ANKRD42: variants seen among roughly 807,000 people sequenced by gnomAD.
The protein encoded by ANKRD42 is ankyrin repeat domain 42.
Under a neutral mutation model 51.5 loss-of-function variants are expected in ANKRD42, and 43 were observed. The observed-to-expected ratio is 0.83, with a 90% CI of 0.65 to 1.08. The LOEUF is 1.08. Among genes scored for constraint, ANKRD42 ranks in the 50% least tolerant of loss-of-function variants. ANKRD42 has a pLI of 0.00. For missense variants in ANKRD42, 608 were observed against 629.3 expected, an observed-to-expected ratio of 0.97 and a Z score of 0.36; for synonymous variants, 203 against 213.0, an observed-to-expected ratio of 0.95 and a Z score of 0.41.
intron 2 of ANKRD42, among the ~76,000 whole-genome samples, chr11:83,205,256 A>T (rs1342040538): frequency 1.3e-5 from 2 of 152,216 alleles, no homozygotes; most frequent in African/African-American, 4.8e-5. Context: ...TCTTTTCATA[A>T]ATATTGTTGA....
chr11:83,209,726 T>C (rs1056048376), intron 3 of ANKRD42: 21 of 683,728 alleles, frequency 3.1e-5, no homozygotes, highest in Non-Finnish European at 5.6e-5. Flanking sequence ...GTTGCCTTCT[T>C]GTTTCTCACT....
At chr11:83,262,979 G>A (rs1864018117), downstream of ANKRD42, among the ~76,000 whole-genome samples, 1 of 152,086 alleles carries the variant, frequency 6.6e-6, no homozygotes, top group Non-Finnish European at 1.5e-5. Context: ...TTAACCATGA[G>A]ATTGGTGGTA....
In ANKRD42 at chr11:83,216,961, T is replaced by C. The variant is rs372831820; in HGVS notation, c.586+5531T>C. Among the ~76,000 whole-genome samples the C allele has an allele frequency of 2.6e-3, 374 of 145,848 alleles. 4 individuals carry two copies. Among genetic ancestry groups the C allele is most frequent in the African/African-American group, 9.0e-3 (359 of 39,852 alleles). ...TAGGGGCGAAGAAGGGGCCCTGCAG[T>C]TGTGGTGTCCTCCAGAGGGGATCTT... is the stretch of plus-strand genomic sequence containing the variant. On this transcript the variant is annotated intron_variant, in intron 5 of 10. Coordinates refer to ENST00000533342, the MANE Select transcript of ANKRD42 (RefSeq NM_001300975.2).
chr11:83,258,290 G>A (rs989713076), downstream of ANKRD42, among the ~76,000 whole-genome samples: 1 of 151,656 alleles, frequency 6.6e-6, no homozygotes, highest in Admixed American at 6.6e-5. Flanking sequence ...CCCAAATTGT[G>A]TATATTTATT....
chr11:83,196,966 T>G (rs537224848), intron 1 of ANKRD42, among the ~76,000 whole-genome samples: 255 of 152,250 alleles, frequency 1.7e-3, no homozygotes, highest in Non-Finnish European at 2.9e-3. Flanking sequence ...TAGAGGAGTG[T>G]CTCTGTGTAA....
intron 8 of ANKRD42, among the ~76,000 whole-genome samples, chr11:83,238,707 G>A (rs1863295705): frequency 6.6e-6 from 1 of 152,060 alleles, no homozygotes; most frequent in African/African-American, 2.4e-5. Flanking sequence ...GTGCTTGCCT[G>A]TAATCCCAGC....
In ANKRD42 at chr11:83,194,347, A is replaced by G. The variant is rs961366588; in HGVS notation, c.-324A>G. 1.1e-5 allele frequency: 6 copies of G among 567,070 alleles called. No individual in the cohort carries two copies. Among genetic ancestry groups the G allele is most frequent in the Non-Finnish European group, 1.3e-5 (4 of 299,200 alleles). The allele number at this position is 567,070 out of a possible 1,614,324, so 35.1% of individuals were successfully genotyped here. On this transcript the variant is annotated 5_prime_UTR_variant, in exon 1 of 11. Coordinates refer to ENST00000533342, the MANE Select transcript of ANKRD42 (RefSeq NM_001300975.2). ...CTTCAGTGGCTCCTGGGAGGGAGGG[A>G]GTGTCGAAGGCGGCCACAGCGTTGG... is the stretch of plus-strand genomic sequence containing the variant.
At chr11:83,204,451 A>T (rs1861991611) in intron 2 of ANKRD42, among the ~76,000 whole-genome samples, 1 of 152,172 alleles carries the variant, frequency 6.6e-6, no homozygotes, top group Admixed American at 6.5e-5. Context: ...GGACAAAGAG[A>T]TGGGAACAAT....
chr11:83,263,266 T>C (rs183769966), downstream of ANKRD42, among the ~76,000 whole-genome samples: 293 of 152,278 alleles, frequency 1.9e-3, no homozygotes, highest in African/African-American at 6.7e-3. Flanking sequence ...TGAACACTTA[T>C]TGTGAGGTGA....
intron 9 of ANKRD42, among the ~76,000 whole-genome samples, chr11:83,242,622 G>GTTTTTTTTTTTTTTTTTTTTT: frequency 7.3e-6 from 1 of 136,480 alleles, no homozygotes; most frequent in African/African-American, 2.7e-5. Flanking sequence ...CTGGAGTGCA[G>GTTTTTTTTTTTTTTTTTTTTT]TGGCACGATC....
chr11:83,251,362 T>C (rs1863672272), downstream of ANKRD42, among the ~76,000 whole-genome samples: 1 of 152,218 alleles, frequency 6.6e-6, no homozygotes, highest in Non-Finnish European at 1.5e-5. Flanking sequence ...ACTGAAAATC[T>C]AAGTTTTATA....
chr11:83,239,072 C>T (rs563107255), intron 8 of ANKRD42, among the ~76,000 whole-genome samples: 6 of 152,162 alleles, frequency 3.9e-5, no homozygotes, highest in African/African-American at 1.4e-4. Flanking sequence ...TTCTCACCAT[C>T]ATTTGGTATT....
intron 8 of ANKRD42, among the ~76,000 whole-genome samples, chr11:83,237,447 G>C (rs1446574343): frequency 1.3e-5 from 2 of 152,280 alleles, no homozygotes; most frequent in African/African-American, 4.8e-5. Flanking sequence ...ATGTAAGGAG[G>C]AGTTGTAAGA....
At chr11:83,257,865 AATCCATTCTC>A (rs1483956726), downstream of ANKRD42, among the ~76,000 whole-genome samples, 6 of 152,286 alleles carry the variant, frequency 3.9e-5, no homozygotes, top group East Asian at 1.2e-3. Context: ...TGTCCTCCAA[AATCCATTCTC>A]CCTTCTTCTG....
intron 4 of ANKRD42, 45 bp from the exon 5 acceptor site, chr11:83,211,250 C>T: frequency 1.9e-6 from 3 of 1,611,482 alleles, no homozygotes; most frequent in Non-Finnish European, 2.5e-6. Flanking sequence ...AGTATTTCCC[C>T]TACAAAATGG....
At position 83,245,557 on chromosome 11, in the gene ANKRD42, T is replaced by C. The variant is rs1369918423; in HGVS notation, c.1255T>C (p.Tyr419His). 8 of 1,536,656 alleles carry C rather than the reference T, an allele frequency of 5.2e-6. No homozygotes were observed. In the South Asian group the frequency reaches 9.5e-5, roughly 18 times the overall value. ...RHLLEIAESN[Y>H]KHLGGITEED... ...CCTCCTGGAAATTGCCGAGAGCAACTATAAACACTTGGGAGGCATAACAGA... is the reference window on the plus strand; with the variant it reads ...CCTCCTGGAAATTGCCGAGAGCAACCATAAACACTTGGGAGGCATAACAGA... Residue 419 changes from tyrosine to histidine, a missense_variant, in exon 10 of 11, where the codon TAT becomes CAT. Tyr to His is a moderately conservative substitution (Grantham distance 83). Transcript: ENST00000533342.
At chr11:83,251,384 CTT>C (rs1362585343), downstream of ANKRD42, among the ~76,000 whole-genome samples, 1 of 152,160 alleles carries the variant, frequency 6.6e-6, no homozygotes, top group South Asian at 2.1e-4. Flanking sequence ...GATCACTTAA[CTT>C]ATGTTAATAA....
downstream of ANKRD42, among the ~76,000 whole-genome samples, chr11:83,252,027 T>C (rs1449069602): frequency 6.6e-6 from 1 of 152,140 alleles, no homozygotes; most frequent in East Asian, 1.9e-4. Flanking sequence ...TTCTCTCCTA[T>C]CTGAAAAAGA....
intron 5 of ANKRD42, among the ~76,000 whole-genome samples, chr11:83,219,420 T>C (rs1053782877): frequency 1.2e-4 from 18 of 152,198 alleles, no homozygotes; most frequent in African/African-American, 3.6e-4. Flanking sequence ...CCAATTTATG[T>C]GGTCCTGGCC....
Sources: allele counts gnomAD v4.1 joint callset (sites outside exome capture counted in the v4.1 genomes callset), GRCh38; gene constraint gnomAD v4.1.1; transcripts MANE v1.5; gene names NCBI Gene and HGNC (gene_info 2026-07-23, HGNC 2026-07-21).